The following SUCLG2 variants were observed in gnomAD, a reference collection of about 807,000 sequenced individuals.
The protein encoded by SUCLG2 is succinate--CoA ligase [GDP-forming] subunit beta, mitochondrial.
In SUCLG2, 42 loss-of-function variants were observed where a neutral mutation model predicts 47.9. That is an observed-to-expected ratio of 0.88 (90% CI 0.69 to 1.14). The LOEUF is 1.14. Among genes scored for constraint, SUCLG2 ranks in the 50% most tolerant of loss-of-function variants. The probability of loss-of-function intolerance (pLI) is 0.00; values close to 1 mark genes in which losing one functional copy is unlikely to be tolerated. For missense variants in SUCLG2, 571 were observed against 525.9 expected (o/e 1.09, Z -0.84); for synonymous variants, 195 against 197.3 (o/e 0.99, Z 0.10).
rs1017085852 is a variant in SUCLG2, at chr3:67,474,992, T to C, written c.1062+20806A>G. On this transcript the variant is annotated intron_variant, in intron 9 of 10. Coordinates refer to ENST00000307227, the MANE Select transcript of SUCLG2 (RefSeq NM_003848.4). ...GTGTCCAGCTCCAACCCTTATTTCC[T>C]TTCCTGGTCTAAAAAAAAAAAAAGA... Among the ~76,000 whole-genome samples, 7 of 115,946 alleles carry C rather than the reference T, an allele frequency of 6.0e-5. No homozygotes were observed. The Admixed American group carries it at 7.0e-4, about 12-fold the overall frequency. 76.1% of individuals were successfully genotyped at this position (115,946 alleles called of 152,430 possible).
chr3:67,654,463 C>G, intron 1 of SUCLG2, 40 bp downstream of exon 1: 1 of 1,225,424 alleles, frequency 8.2e-7, no homozygotes, highest in East Asian at 3.2e-5. Context: ...GGCAGGCCGG[C>G]GCCGCTGCTG....
In SUCLG2 at chr3:67,400,945, C is replaced by T. The variant is rs376880451; in HGVS notation, c.1063-94G>A. ...AATAATAGAGACAATTAAAATAAGA[C>T]TGCTCGTTTTTTTGTTTTTGTTTTA... On this transcript the variant is annotated intron_variant, in intron 9 of 10. Coordinates refer to ENST00000307227, the MANE Select transcript of SUCLG2 (RefSeq NM_003848.4). The T allele has an allele frequency of 5.7e-4, 883 of 1,543,746 alleles. 14 individuals carry two copies. The South Asian group carries it at 0.01, about 18-fold the overall frequency.
chr3:67,651,816 C>T (rs895718616), intron 1 of SUCLG2, among the ~76,000 whole-genome samples: 1 of 152,206 alleles, frequency 6.6e-6, no homozygotes, highest in South Asian at 2.1e-4. Context: ...AATAGGTCTC[C>T]TCTGATCATC....
At chr3:67,409,089 G>C in intron 9 of SUCLG2, 1 of 755,142 alleles carries the variant, frequency 1.3e-6, no homozygotes, top group Non-Finnish European at 1.8e-6. Flanking sequence ...TGGACCAATG[G>C]GTTTTAGTTC....
At chr3:67,434,395 T>C (rs1703564368) in intron 9 of SUCLG2, among the ~76,000 whole-genome samples, 2 of 152,042 alleles carry the variant, frequency 1.3e-5, no homozygotes, top group South Asian at 4.2e-4. Flanking sequence ...GGCATAGTAG[T>C]GCATATCTGT....
chr3:67,588,080 C>T (rs974461800), intron 2 of SUCLG2, among the ~76,000 whole-genome samples: 2 of 152,106 alleles, frequency 1.3e-5, no homozygotes, highest in African/African-American at 4.8e-5. Context: ...TTTCATTTTC[C>T]ATAACAGACA....
At chr3:67,480,464 C>T (rs2107014231) in intron 9 of SUCLG2, among the ~76,000 whole-genome samples, 1 of 152,266 alleles carries the variant, frequency 6.6e-6, no homozygotes, top group South Asian at 2.1e-4. Flanking sequence ...GCTGCTAGTC[C>T]AACCACACTT....
At position 67,647,406 on chromosome 3, in the gene SUCLG2, C is replaced by T. The variant is rs117093447; in HGVS notation, c.84+7097G>A. On this transcript the variant is annotated intron_variant, in intron 1 of 10. Coordinates refer to ENST00000307227, the MANE Select transcript of SUCLG2 (RefSeq NM_003848.4). Reference sequence around the variant, plus strand: ...CAGTACACTGGTCAAAGTCTGAACCCAGAATACCAGGAAACTCCATCCTCC... The same window carrying T: ...CAGTACACTGGTCAAAGTCTGAACCTAGAATACCAGGAAACTCCATCCTCC... Among the ~76,000 whole-genome samples, 14 of 152,288 alleles carry T rather than the reference C, an allele frequency of 9.2e-5. No individual in the cohort carries two copies. The East Asian group carries it at 2.7e-3, about 29-fold the overall frequency.
intron 1 of SUCLG2, among the ~76,000 whole-genome samples, chr3:67,636,150 G>A (rs890007560): frequency 6.6e-6 from 1 of 152,062 alleles, no homozygotes; most frequent in African/African-American, 2.4e-5. Flanking sequence ...CCTTAGGAGA[G>A]GAAGTCACTT....
At chr3:67,648,352 A>G (rs1011287570) in intron 1 of SUCLG2, among the ~76,000 whole-genome samples, 5 of 152,240 alleles carry the variant, frequency 3.3e-5, no homozygotes, top group Admixed American at 6.5e-5. Flanking sequence ...CAAGTTGATC[A>G]GCACACCTTC....
At chr3:67,466,198 C>T (rs759129239) in intron 9 of SUCLG2, among the ~76,000 whole-genome samples, 1 of 151,856 alleles carries the variant, frequency 6.6e-6, no homozygotes, top group South Asian at 2.1e-4. Flanking sequence ...ATCGAAAATA[C>T]AAAAGTTAGC....
chr3:67,441,430 C>T (rs967606204), intron 9 of SUCLG2, among the ~76,000 whole-genome samples: 7 of 151,956 alleles, frequency 4.6e-5, no homozygotes, highest in African/African-American at 1.5e-4. Context: ...ATGTGTAGCC[C>T]TATGGAGACT....
In SUCLG2 at chr3:67,389,303, CA is replaced by C. The variant is rs143447958; in HGVS notation, c.1183+11427del. Among the ~76,000 whole-genome samples the C allele has an allele frequency of 6.4e-3, 975 of 152,150 alleles. 22 individuals carry two copies. The East Asian group carries it at 0.089, about 14-fold the overall frequency. On this transcript the variant is annotated intron_variant, in intron 10 of 10. Transcript: ENST00000307227. ...CTCAATAGAGAGCGTGGGAGAGGAT[CA>C]GAGATGAAGCTGCAACACTGGAGAG...
intron 2 of SUCLG2, among the ~76,000 whole-genome samples, chr3:67,588,862 G>A (rs1422394509): frequency 6.6e-6 from 1 of 152,210 alleles, no homozygotes; most frequent in Non-Finnish European, 1.5e-5. Context: ...AATTTGGACA[G>A]GCTACTTTGG....
chr3:67,583,843 T>C (rs947543874), intron 2 of SUCLG2, among the ~76,000 whole-genome samples: 16 of 152,328 alleles, frequency 1.1e-4, no homozygotes, highest in Middle Eastern at 3.4e-3. Flanking sequence ...AAACTTCTCT[T>C]CTGACTTCCT....
intron 6 of SUCLG2, chr3:67,513,982 C>T (rs1013349976): frequency 7.8e-6 from 2 of 256,208 alleles, no homozygotes; most frequent in Non-Finnish European, 1.6e-5. Flanking sequence ...GGCCACTCCA[C>T]CCTCGACCCT....
At chr3:67,581,563 T>G (rs1707878491) in intron 2 of SUCLG2, among the ~76,000 whole-genome samples, 2 of 152,244 alleles carry the variant, frequency 1.3e-5, no homozygotes, top group African/African-American at 4.8e-5. Flanking sequence ...CTGTTGCAAG[T>G]TCTTTGCACC....
chr3:67,487,720 T>C (rs1262533042), intron 9 of SUCLG2, among the ~76,000 whole-genome samples: 1 of 152,122 alleles, frequency 6.6e-6, no homozygotes, highest in Non-Finnish European at 1.5e-5. Context: ...AAATGGGCAG[T>C]CAACTCACTG....
chr3:67,479,640 A>T (rs1286814142), intron 9 of SUCLG2, among the ~76,000 whole-genome samples: 4 of 152,244 alleles, frequency 2.6e-5, no homozygotes, highest in Admixed American at 1.3e-4. Flanking sequence ...AAGCGCTAAG[A>T]GTGATTAAAT....
Sources: allele counts gnomAD v4.1 joint callset (sites outside exome capture counted in the v4.1 genomes callset), GRCh38; gene constraint gnomAD v4.1.1; transcripts MANE v1.5; gene names NCBI Gene and HGNC (gene_info 2026-07-23, HGNC 2026-07-21).